Variants in DLGAP2 observed in about 807,000 individuals in gnomAD.
DLGAP2 encodes DLG associated protein 2, also known as disks large-associated protein 2.
DLGAP2 carries 26 observed loss-of-function variants against 100.3 expected under a neutral mutation model. That is an observed-to-expected ratio of 0.26 (90% confidence interval 0.19 to 0.36). The LOEUF (loss-of-function observed/expected upper bound fraction) is 0.36. DLGAP2 is among the 10% of genes least tolerant of loss of function. The pLI, the probability that DLGAP2 is intolerant of heterozygous loss-of-function variation, is 1.00. For missense variants in DLGAP2, 1,858 were observed against 1,453.2 expected, an observed-to-expected ratio of 1.28 and a Z score of -4.53; for synonymous variants, 886 against 630.1, an observed-to-expected ratio of 1.41 and a Z score of -6.08.
At chr8:1,427,461 A>G (rs1027299221) in intron 3 of DLGAP2, among the ~76,000 whole-genome samples, 27 of 152,266 alleles carry the variant, frequency 1.8e-4, no homozygotes, top group African/African-American at 6.5e-4. Context: ...TAGAAATAAT[A>G]TAAACAAACA....
At chr8:1,005,216 A>G (rs7017230) in intron 2 of DLGAP2, among the ~76,000 whole-genome samples, 21 of 152,026 alleles carry the variant, frequency 1.4e-4, no homozygotes, top group African/African-American at 5.1e-4. Context: ...TGTTTTCCCA[A>G]AATACATTTG....
chr8:1,455,406 G>T (rs953617626), intron 3 of DLGAP2, among the ~76,000 whole-genome samples: 1 of 152,224 alleles, frequency 6.6e-6, no homozygotes, highest in Non-Finnish European at 1.5e-5. Context: ...GTCCCAGGGG[G>T]ACCCTGGTCT....
intron 3 of DLGAP2, among the ~76,000 whole-genome samples, chr8:1,272,902 G>C (rs777098400): frequency 2.6e-5 from 4 of 152,156 alleles, no homozygotes; most frequent in Non-Finnish European, 5.9e-5. Context: ...GATTTTCATG[G>C]AGATTCATGA....
chr8:1,079,046 C>T (rs184326464), intron 2 of DLGAP2, among the ~76,000 whole-genome samples: 351 of 152,324 alleles, frequency 2.3e-3, no homozygotes, highest in Non-Finnish European at 4.4e-3. Flanking sequence ...CCTGTTGCTC[C>T]ATGTCCTCAC....
At chr8:1,082,175 C>G (rs965893510) in intron 2 of DLGAP2, among the ~76,000 whole-genome samples, 4 of 152,166 alleles carry the variant, frequency 2.6e-5, no homozygotes, top group Non-Finnish European at 4.4e-5. Flanking sequence ...CTCTGTCTGT[C>G]TGGATCCATC....
chr8:1,355,809 C>A (rs537577298), intron 3 of DLGAP2, among the ~76,000 whole-genome samples: 10 of 152,164 alleles, frequency 6.6e-5, no homozygotes, highest in Non-Finnish European at 1.5e-4. Context: ...CCCCACCCCA[C>A]GGTCCTGGCC....
At chr8:759,757 A>T (rs1464874319) in intron 1 of DLGAP2, among the ~76,000 whole-genome samples, 2 of 152,198 alleles carry the variant, frequency 1.3e-5, no homozygotes, top group Admixed American at 1.3e-4. Context: ...TACTCTAGAC[A>T]TTAAGTATTT....
chr8:1,068,328 A>G (rs372606219), intron 2 of DLGAP2, among the ~76,000 whole-genome samples: 1 of 152,190 alleles, frequency 6.6e-6, no homozygotes, highest in African/African-American at 2.4e-5. Context: ...AAGGCATGCA[A>G]TTGTTGGATT....
intron 2 of DLGAP2, among the ~76,000 whole-genome samples, chr8:1,081,422 G>T (rs557652240): frequency 6.6e-6 from 1 of 152,330 alleles, no homozygotes; most frequent in East Asian, 1.9e-4. Context: ...CGCAGCCTTG[G>T]CTCACTGCAA....
chr8:1,696,022 T>G (rs1012585472), intron 13 of DLGAP2, among the ~76,000 whole-genome samples: 3 of 152,162 alleles, frequency 2.0e-5, no homozygotes, highest in African/African-American at 7.2e-5. Context: ...GGGCCCCAGG[T>G]CCTGGCTCTG....
chr8:1,439,298 G>C (rs13254469), intron 3 of DLGAP2, among the ~76,000 whole-genome samples: 93,748 of 152,116 alleles, frequency 0.62, 29,669 homozygotes, highest in East Asian at 0.91. Context: ...GAGGGACAGA[G>C]GCTGTGGGGG....
intron 2 of DLGAP2, among the ~76,000 whole-genome samples, chr8:1,168,339 C>G (rs1377194962): frequency 3.3e-5 from 5 of 151,924 alleles, no homozygotes; most frequent in Non-Finnish European, 5.9e-5. Flanking sequence ...CCGCAATAAA[C>G]ATACGTGTGC....
At chr8:753,677 A>C (rs754330148) in intron 1 of DLGAP2, 3 of 152,216 alleles carry the variant, frequency 2.0e-5, no homozygotes, top group Non-Finnish European at 2.9e-5. Context: ...TTTATTCATC[A>C]TTCGAATGCT....
At chr8:1,021,911 C>G (rs909672693) in intron 2 of DLGAP2, among the ~76,000 whole-genome samples, 1 of 152,180 alleles carries the variant, frequency 6.6e-6, no homozygotes, top group Non-Finnish European at 1.5e-5. Context: ...CTCCACCCCC[C>G]ACTTCCTGGG....
intron 4 of DLGAP2, among the ~76,000 whole-genome samples, chr8:1,546,405 G>C (rs1488157175): frequency 1.3e-5 from 2 of 152,186 alleles, no homozygotes; most frequent in Non-Finnish European, 2.9e-5. Context: ...TCACACCTGG[G>C]TGTGAGAAGC....
chr8:1,451,398 A>G (rs1271954796), intron 3 of DLGAP2, among the ~76,000 whole-genome samples: 1 of 152,136 alleles, frequency 6.6e-6, no homozygotes, highest in Admixed American at 6.5e-5. Context: ...ACCTCCTGCC[A>G]GACCTGAGGT....
intron 2 of DLGAP2, among the ~76,000 whole-genome samples, chr8:984,144 T>TA (rs1328619661): frequency 6.6e-6 from 1 of 152,162 alleles, no homozygotes; most frequent in African/African-American, 2.4e-5. Context: ...GTAAGTATTT[T>TA]AAAAATCATA....
chr8:960,536 T>G (rs1233890686), intron 2 of DLGAP2, among the ~76,000 whole-genome samples: 1 of 152,122 alleles, frequency 6.6e-6, no homozygotes. Flanking sequence ...CTCCCGGCCC[T>G]GAATTGTATC....
intron 1 of DLGAP2, among the ~76,000 whole-genome samples, chr8:861,112 G>A (rs1208182006): frequency 1.3e-5 from 2 of 152,122 alleles, no homozygotes; most frequent in Non-Finnish European, 2.9e-5. Flanking sequence ...AGCCGGGACC[G>A]GGTGGTGCAG....
Sources: gnomAD v4.1 joint callset for allele counts (sites outside exome capture counted in the v4.1 genomes callset) on GRCh38, gnomAD v4.1.1 for gene constraint, MANE v1.5 for transcripts, NCBI Gene and HGNC (gene_info 2026-07-23, HGNC 2026-07-21) for gene names.